AMOTL2: variants seen among roughly 807,000 people sequenced by gnomAD.
AMOTL2 encodes the protein angiomotin-like protein 2.
A neutral mutation model predicts 78.4 loss-of-function variants in AMOTL2; 33 were observed. That is an observed-to-expected ratio of 0.42 (90% CI 0.32 to 0.56). The LOEUF (loss-of-function observed/expected upper bound fraction) is 0.56. Ranked by LOEUF, AMOTL2 falls within the 20% of genes least tolerant of loss-of-function variation. The pLI is 0.12. For missense variants in AMOTL2, 983 were observed against 1,030.1 expected (o/e 0.95, Z 0.63); for synonymous variants, 422 against 428.8 (o/e 0.98, Z 0.20).
intron 2 of AMOTL2, among the ~76,000 whole-genome samples, chr3:134,369,740 A>T (rs2107747095): frequency 6.6e-6 from 1 of 152,308 alleles, no homozygotes; most frequent in East Asian, 1.9e-4. Flanking sequence ...GGGCCACCAG[A>T]GGAAGAGTCT....
At chr3:134,372,530 A>AACAC (rs58443336) in intron 1 of AMOTL2, among the ~76,000 whole-genome samples, 5,564 of 144,408 alleles carry the variant, frequency 0.039, 307 homozygotes, top group African/African-American at 0.12. Context: ...TATCCTCCCC[A>AACAC]ACACACACAC....
upstream of AMOTL2, chr3:134,374,663 G>A: frequency 1.0e-6 from 1 of 982,836 alleles, no homozygotes; most frequent in Non-Finnish European, 1.2e-6. Flanking sequence ...CCGAGCGCCG[G>A]CCCGGCCCCC....
chr3:134,357,862 C>A, intron 9 of AMOTL2, 99 bp from the exon 10 acceptor site: 1 of 1,258,084 alleles, frequency 7.9e-7, no homozygotes, highest in Non-Finnish European at 1.2e-6. Flanking sequence ...TCTTCACCAA[C>A]TTTTCCCACC....
intron 3 of AMOTL2, among the ~76,000 whole-genome samples, chr3:134,367,053 A>G (rs2017638507): frequency 6.6e-6 from 1 of 152,124 alleles, no homozygotes; most frequent in Non-Finnish European, 1.5e-5. Flanking sequence ...ACGTGCTCTT[A>G]GCTGGCCTGT....
intron 2 of AMOTL2, among the ~76,000 whole-genome samples, chr3:134,369,925 G>A (rs959811510): frequency 1.3e-5 from 2 of 152,158 alleles, no homozygotes; most frequent in Non-Finnish European, 2.9e-5. Context: ...TTGCCTCCCC[G>A]GGTCTTCCTG....
upstream of AMOTL2, chr3:134,375,073 G>C: frequency 1.4e-6 from 2 of 1,469,712 alleles, no homozygotes; most frequent in Non-Finnish European, 1.8e-6. Flanking sequence ...TTCACCCCCA[G>C]CGGCAACCTT....
intron 3 of AMOTL2, 94 bp from the exon 4 acceptor site, chr3:134,366,521 G>T: frequency 7.3e-7 from 1 of 1,377,470 alleles, no homozygotes; most frequent in Non-Finnish European, 9.7e-7. Flanking sequence ...AAAGGTGACA[G>T]ATGAGAGGCC....
chr3:134,374,788 C>CT, upstream of AMOTL2: 1 of 1,029,978 alleles, frequency 9.7e-7, no homozygotes, highest in Non-Finnish European at 1.2e-6. Context: ...CCATTATCGC[C>CT]TCCACTCCCA....
intron 7 of AMOTL2, among the ~76,000 whole-genome samples, 189 bp downstream of exon 7, chr3:134,359,917 C>T (rs570226384): frequency 4.6e-5 from 7 of 152,288 alleles, no homozygotes; most frequent in African/African-American, 1.7e-4. Context: ...ACCAAGGACT[C>T]GGTATTTCTG....
chr3:134,364,738 G>T (rs894696291), intron 5 of AMOTL2, among the ~76,000 whole-genome samples: 1 of 151,874 alleles, frequency 6.6e-6, no homozygotes, highest in African/African-American at 2.4e-5. Context: ...TCCTCAAGCT[G>T]CTCCTCCATT....
chr3:134,363,759 G>A (rs918482978), intron 5 of AMOTL2, among the ~76,000 whole-genome samples: 10 of 152,186 alleles, frequency 6.6e-5, no homozygotes, highest in African/African-American at 2.4e-4. Context: ...AGGTCAATCA[G>A]ACACCTCCCT....
upstream of AMOTL2, chr3:134,374,972 A>G: frequency 1.4e-6 from 2 of 1,401,834 alleles, no homozygotes; most frequent in South Asian, 1.5e-5. Flanking sequence ...GAGGGACTGC[A>G]AAGACATCCA....
intron 9 of AMOTL2, among the ~76,000 whole-genome samples, 194 bp from the exon 10 acceptor site, chr3:134,357,957 G>A (rs75372919): frequency 6.6e-6 from 1 of 152,192 alleles, no homozygotes; most frequent in Non-Finnish European, 1.5e-5. Flanking sequence ...ACCAACCTCC[G>A]ATGTGTAGGA....
At chr3:134,363,635 A>G (rs2017470320) in intron 5 of AMOTL2, among the ~76,000 whole-genome samples, 1 of 152,202 alleles carries the variant, frequency 6.6e-6, no homozygotes, top group Non-Finnish European at 1.5e-5. Context: ...GCTGGCCTAG[A>G]AGGGCCAGAA....
chr3:134,361,463 A>T (rs1214695402), intron 6 of AMOTL2, 49 bp downstream of exon 6: 2 of 1,521,702 alleles, frequency 1.3e-6, no homozygotes, highest in Non-Finnish European at 1.8e-6. Flanking sequence ...GAGGAAGGGA[A>T]GCCAACATCC....
At chr3:134,374,938 T>TAC, upstream of AMOTL2, 1 of 1,331,876 alleles carries the variant, frequency 7.5e-7, no homozygotes, top group Non-Finnish European at 9.7e-7. Flanking sequence ...CGTGTGTGTG[T>TAC]ACCGGGGGAG....
At chr3:134,373,944 G>T in intron 1 of AMOTL2, 1 of 621,240 alleles carries the variant, frequency 1.6e-6, no homozygotes, top group Non-Finnish European at 2.0e-6. Context: ...AAAGGCACCT[G>T]TAACCCCCAC....
chr3:134,366,217 C>G, intron 4 of AMOTL2, 66 bp downstream of exon 4: 1 of 1,555,752 alleles, frequency 6.4e-7, no homozygotes. Flanking sequence ...CAATTTTTCT[C>G]TAGAACAAAA....
In AMOTL2 at chr3:134,356,286, AAC is replaced by A. The variant is rs2017076345; in HGVS notation, c.*1417_*1418del. ...ACTTGAGGAACCATGGAAATAAAAC[AAC>A]ACATACCAAACCTAAAAACGATAAA... On this transcript the variant is annotated 3_prime_UTR_variant, in exon 10 of 10. Transcript: ENST00000249883. 1 of 152,572 alleles carries A rather than the reference AAC, an allele frequency of 6.6e-6. No homozygotes were observed. The highest frequency in any genetic ancestry group is 2.4e-5 in the African/African-American group (1 of 41,460). The allele number at this position is 152,572 out of a possible 1,614,324, so 9.5% of individuals were successfully genotyped here.
Sources: gnomAD v4.1 joint callset for allele counts (sites outside exome capture counted in the v4.1 genomes callset) on GRCh38, gnomAD v4.1.1 for gene constraint, MANE v1.5 for transcripts, NCBI Gene and HGNC (gene_info 2026-07-23, HGNC 2026-07-21) for gene names.